Variants in SAPCD1 observed in about 807,000 individuals in gnomAD.
SAPCD1 encodes suppressor APC domain containing 1.
A neutral mutation model predicts 20.7 loss-of-function variants in SAPCD1; 16 were observed. That is an observed-to-expected ratio of 0.77 (90% CI 0.52 to 1.17). SAPCD1 has a LOEUF of 1.17. Among genes scored for constraint, SAPCD1 ranks in the 50% most tolerant of loss-of-function variants. The pLI is 0.00. For missense variants in SAPCD1, 173 were observed against 209.9 expected, an observed-to-expected ratio of 0.82 and a Z score of 1.09; for synonymous variants, 77 against 84.8, an observed-to-expected ratio of 0.91 and a Z score of 0.50.
chr6:31,763,042 C>G lies in SAPCD1; in HGVS notation c.-13C>G. Reference sequence around the variant, plus strand: ...ACCAGTGGGAGTGGCTCCACCCTTCCCACCTCAGAGCCATGGGGAGCCAGG... The same window carrying G: ...ACCAGTGGGAGTGGCTCCACCCTTCGCACCTCAGAGCCATGGGGAGCCAGG... On this transcript the variant is annotated 5_prime_UTR_variant, in exon 1 of 5. Coordinates refer to ENST00000415669, the Ensembl canonical transcript of SAPCD1. The surrounding 1 kb of genome is among the most constrained non-coding windows in gnomAD (Gnocchi z 4.9). 1 of 1,530,104 alleles carries G rather than the reference C, an allele frequency of 6.5e-7. No individual in the cohort carries two copies. Among genetic ancestry groups the G allele is most frequent in the Non-Finnish European group, 8.9e-7 (1 of 1,118,812 alleles). 94.8% of individuals were successfully genotyped at this position (1,530,104 alleles called of 1,614,324 possible).
In SAPCD1 at chr6:31,764,656, G is replaced by A. The variant is rs1811349888; in HGVS notation, c.*125G>A. On this transcript the variant is annotated 3_prime_UTR_variant, in exon 5 of 5. Coordinates refer to ENST00000415669, the Ensembl canonical transcript of SAPCD1. The surrounding 1 kb of genome is among the most constrained non-coding windows in gnomAD (Gnocchi z 4.7). ...GAGTCAATGAAGTTCAGACATGTTG[G>A]TGTAAAGTTTCTCCTCTGCTCCTGA... 1.5e-6 allele frequency: 1 copy of A among 658,766 alleles called. No homozygotes were observed. The highest frequency in any genetic ancestry group is 2.0e-5 in the South Asian group (1 of 50,800). 40.8% of individuals were successfully genotyped at this position (658,766 alleles called of 1,614,324 possible). A position where few individuals can be genotyped will look rare whatever the true frequency, so the allele number is the denominator to read the frequency against.
upstream of SAPCD1, chr6:31,762,957 G>T: frequency 1.5e-6 from 1 of 645,816 alleles, no homozygotes; most frequent in South Asian, 2.0e-5. Flanking sequence ...GGCCTGAGAG[G>T]CTGACAGAGG....
In SAPCD1 at chr6:31,763,211, A is replaced by C; in HGVS notation, c.114+43A>C. Reference sequence around the variant, plus strand: ...AAGAGGTCCCAGGGGAACTCTCTCAATAGATCTGCCCTTTATATTTCCATT... The same window carrying C: ...AAGAGGTCCCAGGGGAACTCTCTCACTAGATCTGCCCTTTATATTTCCATT... On this transcript the variant is annotated intron_variant, in intron 1 of 4. Coordinates refer to ENST00000415669, the Ensembl canonical transcript of SAPCD1. This position sits in a 1 kb window ranked among gnomAD's most constrained non-coding sequence, Gnocchi z 4.9. 3.2e-6 allele frequency: 4 copies of C among 1,252,404 alleles called. No homozygotes were observed. Among genetic ancestry groups the C allele is most frequent in the East Asian group, 2.4e-5 (1 of 40,842 alleles). The allele number at this position is 1,252,404 out of a possible 1,614,324, so 77.6% of individuals were successfully genotyped here. A position where few individuals can be genotyped will look rare whatever the true frequency, so the allele number is the denominator to read the frequency against.
At position 31,764,476 on chromosome 6, in the gene SAPCD1, AG is replaced by A. The variant is rs1313323605; in HGVS notation, c.484del (p.Glu162ArgfsTer54). 6.2e-7 allele frequency: 1 copy of A among 1,614,034 alleles called. No homozygotes were observed. The highest frequency in any genetic ancestry group is 1.3e-5 in the African/African-American group (1 of 74,934). Reference sequence around the variant, plus strand: ...CAGAAAGGAGTCACCCAGCCAAAGGAGGAGATGGCTCAGCGGGGCTGCACCA... The same window carrying A: ...CAGAAAGGAGTCACCCAGCCAAAGGAGAGATGGCTCAGCGGGGCTGCACCA... On this transcript the variant is annotated frameshift_variant, in exon 5 of 5. Transcript: ENST00000415669. LOFTEE classifies it low-confidence loss of function (END_TRUNC). This position sits in a 1 kb window ranked among gnomAD's most constrained non-coding sequence, Gnocchi z 4.7.
rs1811238753 is a variant in SAPCD1, at chr6:31,763,633, G to A, written c.255+78G>A. The A allele has an allele frequency of 2.2e-6, 3 of 1,367,800 alleles. No individual in the cohort carries two copies. The highest frequency in any genetic ancestry group is 1.4e-5 in the African/African-American group (1 of 69,730). The allele number at this position is 1,367,800 out of a possible 1,614,324, so 84.7% of individuals were successfully genotyped here. A position where few individuals can be genotyped will look rare whatever the true frequency, so the allele number is the denominator to read the frequency against. Reference sequence around the variant, plus strand: ...CAGGGAATGTGTAGACACAGCCTGAGACCACTCTGGAGAGGGGAGAGTTAA... The same window carrying A: ...CAGGGAATGTGTAGACACAGCCTGAAACCACTCTGGAGAGGGGAGAGTTAA... On this transcript the variant is annotated intron_variant, in intron 2 of 4. Coordinates refer to ENST00000415669, the Ensembl canonical transcript of SAPCD1. This position sits in a 1 kb window ranked among gnomAD's most constrained non-coding sequence, Gnocchi z 4.9.
rs1242407127 is a variant in SAPCD1 at position 31,764,480 on chromosome 6, G to T, written c.486G>T (p.Glu162Asp). Residue 162 changes from glutamate (E) to aspartate (D), a missense_variant, in exon 5 of 5, where the codon GAG (glutamate) becomes GAT (aspartate). Coordinates refer to ENST00000415669, the Ensembl canonical transcript of SAPCD1. This position sits in a 1 kb window ranked among gnomAD's most constrained non-coding sequence, Gnocchi z 4.7. ...AAGGAGTCACCCAGCCAAAGGAGGAGATGGCTCAGCGGGGCTGCACCAAGG... is the reference window on the plus strand; with the variant it reads ...AAGGAGTCACCCAGCCAAAGGAGGATATGGCTCAGCGGGGCTGCACCAAGG... 6.2e-7 allele frequency: 1 copy of T among 1,614,148 alleles called. No homozygotes were observed. The highest frequency in any genetic ancestry group is 8.5e-7 in the Non-Finnish European group (1 of 1,180,034).
At position 31,763,019 on chromosome 6, in the gene SAPCD1, C is replaced by A; in HGVS notation, c.-36C>A. The A allele has an allele frequency of 2.4e-6, 3 of 1,270,960 alleles. No homozygotes were observed. The highest frequency in any genetic ancestry group is 3.3e-6 in the Non-Finnish European group (3 of 896,968). The allele number at this position is 1,270,960 out of a possible 1,614,324, so 78.7% of individuals were successfully genotyped here. The stretch of plus-strand genomic sequence containing the variant: ...GGGGAGGGACCAGCCCGGGCTGCAC[C>A]AGTGGGAGTGGCTCCACCCTTCCCA... On this transcript the variant is annotated 5_prime_UTR_variant, in exon 1 of 5. Transcript: ENST00000415669. This position sits in a 1 kb window ranked among gnomAD's most constrained non-coding sequence, Gnocchi z 4.9.
In SAPCD1 at chr6:31,764,051, ACTC is replaced by A. The variant is rs770386898; in HGVS notation, c.256-6_256-4del. The A allele has an allele frequency of 3.5e-5, 55 of 1,588,804 alleles. No individual in the cohort carries two copies. The highest frequency in any genetic ancestry group is 1.8e-4 in the Admixed American group (11 of 59,932). On this transcript the variant is annotated splice_polypyrimidine_tract_variant and intron_variant, in intron 2 of 4. Coordinates refer to ENST00000415669, the Ensembl canonical transcript of SAPCD1. The surrounding 1 kb of genome is among the most constrained non-coding windows in gnomAD (Gnocchi z 4.7). ...GTTTTCACCATGTTGTCAGCCTCCA[ACTC>A]CTCCTCTAGAATTTTCTAACAGATT...
At chr6:31,762,797 C>T (rs540750705), upstream of SAPCD1, 144 of 544,676 alleles carry the variant, frequency 2.6e-4, no homozygotes, top group Non-Finnish European at 4.1e-4. Context: ...TAGGAAGACT[C>T]CCGGATTCTA....
Position 31,764,627 on chromosome 6 carries a change from T to C in SAPCD1, c.*96T>C, listed in dbSNP as rs946532364. On this transcript the variant is annotated 3_prime_UTR_variant, in exon 5 of 5. Coordinates refer to ENST00000415669, the Ensembl canonical transcript of SAPCD1. The surrounding 1 kb of genome is among the most constrained non-coding windows in gnomAD (Gnocchi z 4.7). The stretch of plus-strand genomic sequence containing the variant: ...TCAACAGCTAAAAAATGGCTCCAGG[T>C]AGTGAGTCAATGAAGTTCAGACATG... 1 of 807,826 alleles carries C rather than the reference T, an allele frequency of 1.2e-6. No homozygotes were observed. The allele number at this position is 807,826 out of a possible 1,614,324, so 50.0% of individuals were successfully genotyped here. A position where few individuals can be genotyped will look rare whatever the true frequency, so the allele number is the denominator to read the frequency against.
At position 31,764,740 on chromosome 6, in the gene SAPCD1, G is replaced by A. The variant is rs1341906171; in HGVS notation, c.*209G>A. 4 of 497,170 alleles carry A rather than the reference G, an allele frequency of 8.0e-6. No homozygotes were observed. The highest frequency in any genetic ancestry group is 1.1e-5 in the Non-Finnish European group (3 of 283,860). 30.8% of individuals were successfully genotyped at this position (497,170 alleles called of 1,614,324 possible). A position where few individuals can be genotyped will look rare whatever the true frequency, so the allele number is the denominator to read the frequency against. ...TCTCCCCTATATGACATGCAAAAAC[G>A]ATCTTTCTTTGAAATCCCTCTGGGA... On this transcript the variant is annotated 3_prime_UTR_variant, in exon 5 of 5. Coordinates refer to ENST00000415669, the Ensembl canonical transcript of SAPCD1. The surrounding 1 kb of genome is among the most constrained non-coding windows in gnomAD (Gnocchi z 4.7).
Position 31,763,686 on chromosome 6 carries a change from C to T in SAPCD1, c.255+131C>T, listed in dbSNP as rs1811242245. ...GTCAGGGATCATGAGTTGGAGGCAG[C>T]ATCGTAATGACAGGATGCCACCAAG... On this transcript the variant is annotated intron_variant, in intron 2 of 4. Coordinates refer to ENST00000415669, the Ensembl canonical transcript of SAPCD1. The surrounding 1 kb of genome is among the most constrained non-coding windows in gnomAD (Gnocchi z 4.9). 2.3e-6 allele frequency: 2 copies of T among 868,894 alleles called. No homozygotes were observed. The highest frequency in any genetic ancestry group is 2.5e-5 in the East Asian group (1 of 39,918). The allele number at this position is 868,894 out of a possible 1,614,324, so 53.8% of individuals were successfully genotyped here.
chr6:31,763,088 G>T lies in SAPCD1; in HGVS notation c.34G>T (p.Val12Leu). 4 of 1,573,826 alleles carry T rather than the reference G, an allele frequency of 2.5e-6. No individual in the cohort carries two copies. Among genetic ancestry groups the T allele is most frequent in the Non-Finnish European group, 3.4e-6 (4 of 1,160,158 alleles). ...CCAGGGCTCTGGCGGGGTGCCCTTG[G>T]TGCAGGCTCCCTACACAGTCCTGCT... Residue 12 changes from valine (V) to leucine (L), a missense_variant, in exon 1 of 5, where the codon GTG becomes TTG. By Grantham distance (32) the Val-to-Leu change is conservative. Coordinates refer to ENST00000415669, the Ensembl canonical transcript of SAPCD1. The surrounding 1 kb of genome is among the most constrained non-coding windows in gnomAD (Gnocchi z 4.9).
In SAPCD1 at chr6:31,764,263, C is replaced by T. The variant is rs758666480; in HGVS notation, c.352-3C>T. 4.3e-6 allele frequency: 7 copies of T among 1,613,742 alleles called. No individual in the cohort carries two copies. The highest frequency in any genetic ancestry group is 5.9e-6 in the Non-Finnish European group (7 of 1,179,604). ...CAGAAAACACAGCGAATTTCCCCTC[C>T]AGTTCTCCCCAAGTCCACTGAACAA... On this transcript the variant is annotated splice_region_variant and splice_polypyrimidine_tract_variant and intron_variant, in intron 3 of 4. Coordinates refer to ENST00000415669, the Ensembl canonical transcript of SAPCD1. This position sits in a 1 kb window ranked among gnomAD's most constrained non-coding sequence, Gnocchi z 4.7.
Position 31,763,625 on chromosome 6 carries a change from C to T in SAPCD1, c.255+70C>T. On this transcript the variant is annotated intron_variant, in intron 2 of 4. Transcript: ENST00000415669. This position sits in a 1 kb window ranked among gnomAD's most constrained non-coding sequence, Gnocchi z 4.9. ...GGGAGGAACAGGGAATGTGTAGACA[C>T]AGCCTGAGACCACTCTGGAGAGGGG... 1 of 1,413,760 alleles carries T rather than the reference C, an allele frequency of 7.1e-7. No homozygotes were observed. 87.6% of individuals were successfully genotyped at this position (1,413,760 alleles called of 1,614,324 possible).
Position 31,763,292 on chromosome 6 carries a change from G to C in SAPCD1, c.115-123G>C. 1 of 1,383,662 alleles carries C rather than the reference G, an allele frequency of 7.2e-7. No individual in the cohort carries two copies. Among genetic ancestry groups the C allele is most frequent in the Non-Finnish European group, 1.0e-6 (1 of 987,714 alleles). 85.7% of individuals were successfully genotyped at this position (1,383,662 alleles called of 1,614,324 possible). A position where few individuals can be genotyped will look rare whatever the true frequency, so the allele number is the denominator to read the frequency against. On this transcript the variant is annotated intron_variant, in intron 1 of 4. Transcript: ENST00000415669. The surrounding 1 kb of genome is among the most constrained non-coding windows in gnomAD (Gnocchi z 4.9). ...CCTCCCCTTGCCCTCCAGGTCCTCA[G>C]TGGCCAGTCTGGGTTCACACTCAGT...
In SAPCD1 at chr6:31,764,492, G is replaced by C. The variant is rs750607022; in HGVS notation, c.498G>C (p.Arg166=). ...AGCCAAAGGAGGAGATGGCTCAGCG[G>C]GGCTGCACCAAGGGGCCAAGAGGCC... is the stretch of plus-strand genomic sequence containing the variant. Residue 166 remains arginine, a synonymous_variant, in exon 5 of 5, where the codon CGG becomes CGC. Transcript: ENST00000415669. This position sits in a 1 kb window ranked among gnomAD's most constrained non-coding sequence, Gnocchi z 4.7. 3.7e-6 allele frequency: 6 copies of C among 1,613,886 alleles called. No homozygotes were observed. Among genetic ancestry groups the C allele is most frequent in the Non-Finnish European group, 5.1e-6 (6 of 1,180,026 alleles).
rs754406304 is a variant in SAPCD1, at chr6:31,764,234, T to G, written c.352-32T>G. The stretch of plus-strand genomic sequence containing the variant: ...GGGAGTTGTTGGGGTCAGTGCTGGC[T>G]TAACAGAAAACACAGCGAATTTCCC... On this transcript the variant is annotated intron_variant, in intron 3 of 4. Transcript: ENST00000415669. The surrounding 1 kb of genome is among the most constrained non-coding windows in gnomAD (Gnocchi z 4.7). The G allele has an allele frequency of 6.2e-7, 1 of 1,610,276 alleles. No individual in the cohort carries two copies. The highest frequency in any genetic ancestry group is 8.5e-7 in the Non-Finnish European group (1 of 1,176,402).
chr6:31,762,974 G>A (rs28399987), upstream of SAPCD1: 9,449 of 704,262 alleles, frequency 0.013, 279 homozygotes, highest in East Asian at 0.072. Context: ...GAGGCAGGAT[G>A]GGTGCAAGGC....
Sources: allele counts gnomAD v4.1 joint callset, GRCh38; gene constraint gnomAD v4.1.1; non-coding constraint Gnocchi (gnomAD v3.1); transcripts MANE v1.5; gene names NCBI Gene and HGNC (gene_info 2026-07-23, HGNC 2026-07-21).